Variants in HTR7 observed in about 807,000 individuals in gnomAD.
HTR7 encodes the protein 5-hydroxytryptamine receptor 7, also known as 5-HT-7.
In HTR7, 16 loss-of-function variants were observed where a neutral mutation model predicts 34.0. The ratio of observed to expected loss-of-function variants is 0.47; its 90% CI spans 0.32 to 0.71. HTR7 has a LOEUF of 0.71. HTR7 is among the 30% of genes least tolerant of loss of function. HTR7 has a pLI of 0.04. For missense variants in HTR7, 504 were observed against 625.5 expected, an observed-to-expected ratio of 0.81 and a Z score of 2.07; for synonymous variants, 265 against 260.2, an observed-to-expected ratio of 1.02 and a Z score of -0.18.
At position 90,748,950 on chromosome 10, in the gene HTR7, T is replaced by C. The variant is rs1844684346; in HGVS notation, c.1184A>G (p.Tyr395Cys). The C allele has an allele frequency of 6.2e-7, 1 of 1,614,122 alleles. No individual in the cohort carries two copies. Among genetic ancestry groups the C allele is most frequent in the African/African-American group, 1.3e-5 (1 of 75,028 alleles). Reference sequence around the variant, plus strand: ...GTACTGGCACTGGAGCAGGCTGCGATAGGTGGTCCTCAGGTCCCGGTTGAA... The same window carrying C: ...GTACTGGCACTGGAGCAGGCTGCGACAGGTGGTCCTCAGGTCCCGGTTGAA... ...AFFNRDLRTT[Y>C]RSLLQCQYRN... The change falls in exon 2 of 4, where the codon TAT becomes TGT. Residue 395 changes from tyrosine (Y) to cysteine (C), a missense_variant. Transcript: ENST00000336152.
At chr10:90,787,150 G>A (rs369328990) in intron 1 of HTR7, among the ~76,000 whole-genome samples, 8 of 152,238 alleles carry the variant, frequency 5.3e-5, no homozygotes, top group African/African-American at 1.9e-4. Flanking sequence ...TTACTAAAGA[G>A]GAGGGCCTAC....
intron 1 of HTR7, among the ~76,000 whole-genome samples, chr10:90,798,657 T>C (rs539161177): frequency 6.6e-6 from 1 of 152,246 alleles, no homozygotes; most frequent in African/African-American, 2.4e-5. Context: ...GAGGCTGTAG[T>C]GAGCTGTGAT....
chr10:90,788,393 A>G (rs1316290958), intron 1 of HTR7, among the ~76,000 whole-genome samples: 1 of 152,188 alleles, frequency 6.6e-6, no homozygotes, highest in Admixed American at 6.5e-5. Flanking sequence ...GTCACAATAC[A>G]ATAGGGATGA....
chr10:90,806,220 G>C (rs541205694), intron 1 of HTR7, among the ~76,000 whole-genome samples: 2 of 152,294 alleles, frequency 1.3e-5, no homozygotes, highest in African/African-American at 4.8e-5. Flanking sequence ...TAAATGGATA[G>C]AAAGAGAAAG....
At chr10:90,775,339 G>A (rs75461123) in intron 1 of HTR7, among the ~76,000 whole-genome samples, 1,579 of 152,290 alleles carry the variant, frequency 0.01, 10 homozygotes, top group Non-Finnish European at 0.015. Context: ...ATAGAGGGAG[G>A]GGGTAAGGTG....
Position 90,841,620 on chromosome 10 carries a change from T to C in HTR7, c.539+15513A>G, listed in dbSNP as rs1335370806. On this transcript the variant is annotated intron_variant, in intron 1 of 3. Transcript: ENST00000336152. ...CTAATAATTATTATTAACATCATCT[T>C]CTTCTCTGAAAGGCAAGAGAAAATG... is the stretch of plus-strand genomic sequence containing the variant. 2.0e-5 allele frequency among the ~76,000 whole-genome samples: 3 copies of C among 152,210 alleles called. No individual in the cohort carries two copies. In the East Asian group the frequency reaches 5.8e-4, roughly 29 times the overall value.
At chr10:90,812,679 A>G (rs1188692382) in intron 1 of HTR7, among the ~76,000 whole-genome samples, 2 of 152,046 alleles carry the variant, frequency 1.3e-5, no homozygotes, top group Non-Finnish European at 2.9e-5. Context: ...AGCCACCCCA[A>G]TCCTGCTCGA....
chr10:90,771,834 T>C (rs1845118228), intron 1 of HTR7, among the ~76,000 whole-genome samples: 1 of 151,158 alleles, frequency 6.6e-6, no homozygotes, highest in African/African-American at 2.4e-5. Flanking sequence ...CAAGCAAAAC[T>C]CAGGCAAACG....
chr10:90,810,351 C>G (rs1845786315), intron 1 of HTR7, among the ~76,000 whole-genome samples: 1 of 152,086 alleles, frequency 6.6e-6, no homozygotes, highest in Admixed American at 6.5e-5. Context: ...TTCTTGGTGA[C>G]CGATCATGCA....
chr10:90,843,458 T>A (rs986349273), intron 1 of HTR7, among the ~76,000 whole-genome samples: 1 of 152,210 alleles, frequency 6.6e-6, no homozygotes, highest in African/African-American at 2.4e-5. Context: ...TAGAAATGTG[T>A]CATGACCTAG....
chr10:90,823,886 T>C (rs965953575), intron 1 of HTR7, among the ~76,000 whole-genome samples: 5 of 152,206 alleles, frequency 3.3e-5, no homozygotes, highest in African/African-American at 1.2e-4. Context: ...GGGGAAGACA[T>C]GCTTGCTTCC....
chr10:90,842,188 TAA>T (rs1846339171), intron 1 of HTR7, among the ~76,000 whole-genome samples: 1 of 152,150 alleles, frequency 6.6e-6, no homozygotes, highest in African/African-American at 2.4e-5. Flanking sequence ...AGCAACCTCA[TAA>T]AAGGGCTGGA....
intron 1 of HTR7, among the ~76,000 whole-genome samples, chr10:90,815,597 G>A (rs1030990460): frequency 6.6e-6 from 1 of 152,142 alleles, no homozygotes; most frequent in Non-Finnish European, 1.5e-5. Context: ...GGAGAGCATT[G>A]GGAAGAATAG....
intron 1 of HTR7, among the ~76,000 whole-genome samples, chr10:90,803,761 T>G (rs1386096137): frequency 1.3e-5 from 2 of 152,174 alleles, no homozygotes; most frequent in Admixed American, 6.5e-5. Context: ...TTAAGAGGAC[T>G]GCTTTGCACT....
At chr10:90,771,065 G>T (rs1455487156) in intron 1 of HTR7, among the ~76,000 whole-genome samples, 6 of 152,148 alleles carry the variant, frequency 3.9e-5, no homozygotes, top group Non-Finnish European at 8.8e-5. Flanking sequence ...CCTCTCTGCT[G>T]AGAACTGAAC....
chr10:90,813,805 G>T (rs1845856291), intron 1 of HTR7, among the ~76,000 whole-genome samples: 1 of 152,130 alleles, frequency 6.6e-6, no homozygotes, highest in Non-Finnish European at 1.5e-5. Context: ...AGACAGCATG[G>T]CGCTGGCCAG....
At chr10:90,772,230 T>G (rs560543823) in intron 1 of HTR7, among the ~76,000 whole-genome samples, 22 of 152,344 alleles carry the variant, frequency 1.4e-4, no homozygotes, top group Admixed American at 1.0e-3. Context: ...TTATTATTTA[T>G]TATCATCTTT....
At chr10:90,771,291 A>G (rs770629588) in intron 1 of HTR7, among the ~76,000 whole-genome samples, 37 of 152,266 alleles carry the variant, frequency 2.4e-4, no homozygotes, top group South Asian at 1.0e-3. Context: ...CTCACCCTTC[A>G]CTTGTCCGCA....
At chr10:90,836,505 G>A (rs1846254647) in intron 1 of HTR7, among the ~76,000 whole-genome samples, 1 of 152,040 alleles carries the variant, frequency 6.6e-6, no homozygotes, top group South Asian at 2.1e-4. Flanking sequence ...AATATATATT[G>A]TTAATTAAAA....
Sources: allele counts gnomAD v4.1 joint callset (sites outside exome capture counted in the v4.1 genomes callset), GRCh38; gene constraint gnomAD v4.1.1; transcripts MANE v1.5; gene names NCBI Gene and HGNC (gene_info 2026-07-23, HGNC 2026-07-21).